C9orf50: variants seen among roughly 807,000 people sequenced by gnomAD.
C9orf50 encodes chromosome 9 open reading frame 50, also known as uncharacterized protein C9orf50.
Under a neutral mutation model 42.5 loss-of-function variants are expected in C9orf50, and 33 were observed. The observed-to-expected ratio is 0.78, with a 90% CI of 0.59 to 1.04. The LOEUF (loss-of-function observed/expected upper bound fraction) is 1.04, where lower values mean the gene tolerates loss of function less well. Ranked by LOEUF, C9orf50 falls within the 50% of genes least tolerant of loss-of-function variation. The pLI, the probability that C9orf50 is intolerant of heterozygous loss-of-function variation, is 0.00. For missense variants in C9orf50, 547 were observed against 594.3 expected, an observed-to-expected ratio of 0.92 and a Z score of 0.83; for synonymous variants, 257 against 273.4, an observed-to-expected ratio of 0.94 and a Z score of 0.59.
In C9orf50 at chr9:129,620,710, G is replaced by A. The variant is rs578202793; in HGVS notation, c.-136C>T. The A allele has an allele frequency of 7.8e-6, 6 of 772,906 alleles. No individual in the cohort carries two copies. Among genetic ancestry groups the A allele is most frequent in the Admixed American group, 4.3e-5 (1 of 23,088 alleles). 47.9% of individuals were successfully genotyped at this position (772,906 alleles called of 1,614,324 possible). ...AGCGCGGTGCGGGGTGAACGCCACC[G>A]GCCCGGCGGACAGCGAGTGGCTTCA... On this transcript the variant is annotated 5_prime_UTR_variant, in exon 1 of 7. Coordinates refer to ENST00000372478, the Ensembl canonical transcript of C9orf50. The surrounding 1 kb of genome is among the most constrained non-coding windows in gnomAD (Gnocchi z 5.8).
intron 3 of C9orf50, among the ~76,000 whole-genome samples, chr9:129,617,420 C>G (rs942999929): frequency 3.3e-5 from 5 of 152,222 alleles, no homozygotes; most frequent in African/African-American, 7.2e-5. Flanking sequence ...ATCTCAGCAT[C>G]TTCACTCGAG....
rs1278477762 is a variant in C9orf50, at chr9:129,620,255, G to A, written c.320C>T (p.Ser107Leu). 11 of 1,335,050 alleles carry A rather than the reference G, an allele frequency of 8.2e-6. No individual in the cohort carries two copies. The highest frequency in any genetic ancestry group is 3.1e-5 in the African/African-American group (2 of 65,224). 82.7% of individuals were successfully genotyped at this position (1,335,050 alleles called of 1,614,324 possible). The change falls in exon 1 of 7, where the codon TCG becomes TTG. Residue 107 changes from serine to leucine, a missense_variant. Transcript: ENST00000372478. This position sits in a 1 kb window ranked among gnomAD's most constrained non-coding sequence, Gnocchi z 5.8. ...CGCCGATTCCCGGGACGCGCCGGCC[G>A]ACAGCAGGGGAGGCGGCAGCAGGGA...
upstream of C9orf50, among the ~76,000 whole-genome samples, chr9:129,621,736 CTG>C (rs1468336201): frequency 6.6e-6 from 1 of 152,118 alleles, no homozygotes; most frequent in East Asian, 1.9e-4. Flanking sequence ...AGCTCTGACA[CTG>C]AGGGGTTTCT....
In C9orf50 at chr9:129,620,502, G is replaced by A; in HGVS notation, c.73C>T (p.Arg25Ter). ...GGCAGCCGCGGGTCGCTGCTGCGTC[G>A]GAAGTCTCCGTCGCCAGGGAGCCCC... is the stretch of plus-strand genomic sequence containing the variant. The change falls in exon 1 of 7, where the codon CGA (arginine) becomes TGA (stop). Residue 25 changes from arginine (R) to a stop codon, truncating the protein, a stop_gained. Coordinates refer to ENST00000372478, the Ensembl canonical transcript of C9orf50. LOFTEE classifies it high-confidence loss of function. The surrounding 1 kb of genome is among the most constrained non-coding windows in gnomAD (Gnocchi z 5.8). 2 of 1,426,572 alleles carry A rather than the reference G, an allele frequency of 1.4e-6. No homozygotes were observed. Among genetic ancestry groups the A allele is most frequent in the South Asian group, 1.4e-5 (1 of 69,046 alleles). The allele number at this position is 1,426,572 out of a possible 1,614,324, so 88.4% of individuals were successfully genotyped here.
chr9:129,620,167 G>T lies in C9orf50; in HGVS notation c.408C>A (p.Pro136=). 6.8e-7 allele frequency: 1 copy of T among 1,462,416 alleles called. No individual in the cohort carries two copies. The highest frequency in any genetic ancestry group is 1.4e-5 in the South Asian group (1 of 71,248). The allele number at this position is 1,462,416 out of a possible 1,614,324, so 90.6% of individuals were successfully genotyped here. A position where few individuals can be genotyped will look rare whatever the true frequency, so the allele number is the denominator to read the frequency against. The change falls in exon 1 of 7, where the codon CCC becomes CCA. Residue 136 remains proline, a synonymous_variant. Transcript: ENST00000372478. This position sits in a 1 kb window ranked among gnomAD's most constrained non-coding sequence, Gnocchi z 5.8. ...CTCCTAGGAAGGCGCCCAAGAAGTC[G>T]GGGTCCTCCCTGGCCACGCGCCTCC...
In C9orf50 at chr9:129,620,538, G is replaced by T; in HGVS notation, c.37C>A (p.Leu13Met). 1 of 1,428,784 alleles carries T rather than the reference G, an allele frequency of 7.0e-7. No individual in the cohort carries two copies. 88.5% of individuals were successfully genotyped at this position (1,428,784 alleles called of 1,614,324 possible). Reference sequence around the variant, plus strand: ...TCGCCAGGGAGCCCCTTGGGCGCCAGGTCCTGGGCCCCTGGGCGAAGTCGA... The same window carrying T: ...TCGCCAGGGAGCCCCTTGGGCGCCATGTCCTGGGCCCCTGGGCGAAGTCGA... Residue 13 changes from leucine (L) to methionine (M), a missense_variant, in exon 1 of 7, where the codon CTG becomes ATG. By Grantham distance (15) the Leu-to-Met change is conservative. This residue lies in a region of C9orf50 where 105 missense variants were observed against 98.5 expected (regional missense o/e 1.07). Coordinates refer to ENST00000372478, the Ensembl canonical transcript of C9orf50. This position sits in a 1 kb window ranked among gnomAD's most constrained non-coding sequence, Gnocchi z 5.8.
At position 129,620,097 on chromosome 9, in the gene C9orf50, C is replaced by T. The variant is rs1422260294; in HGVS notation, c.478G>A (p.Glu160Lys). 11 of 1,452,082 alleles carry T rather than the reference C, an allele frequency of 7.6e-6. No individual in the cohort carries two copies. The East Asian group carries it at 2.3e-4, about 30-fold the overall frequency. 89.9% of individuals were successfully genotyped at this position (1,452,082 alleles called of 1,614,324 possible). The stretch of plus-strand genomic sequence containing the variant: ...GGCTCCGGCTCCTCGGCGCACTTCT[C>T]CTGGAGCTGGTGCAGGAACTCACGG... Residue 160 changes from glutamate (E) to lysine (K), a missense_variant, in exon 1 of 7, where the codon GAG becomes AAG. Coordinates refer to ENST00000372478, the Ensembl canonical transcript of C9orf50. This position sits in a 1 kb window ranked among gnomAD's most constrained non-coding sequence, Gnocchi z 5.8.
Position 129,613,579 on chromosome 9 carries a change from A to T in C9orf50, c.899T>A (p.Val300Glu). ...CACTGGCAGGGCGGCCTTCTGGTTC[A>T]CAATGACGCTCTGTTGGACTGCAGG... is the stretch of plus-strand genomic sequence containing the variant. The change falls in exon 5 of 7, where the codon GTG becomes GAG. Residue 300 changes from valine (V) to glutamate (E), a missense_variant. Around this residue, in one of 3 missense-constraint regions of C9orf50, gnomAD observed 334 missense variants for 323.7 expected, o/e 1.03. Transcript: ENST00000372478. This position sits in a 1 kb window ranked among gnomAD's most constrained non-coding sequence, Gnocchi z 6.2. 6.2e-7 allele frequency: 1 copy of T among 1,614,154 alleles called. No individual in the cohort carries two copies. The highest frequency in any genetic ancestry group is 1.1e-5 in the South Asian group (1 of 91,080).
chr9:129,612,262 G>A, exon 7 of C9orf50: 1 of 1,178,266 alleles, frequency 8.5e-7, no homozygotes, highest in Non-Finnish European at 1.2e-6. Context: ...CCAGCCACCT[G>A]GGATGTGCCT....
intron 3 of C9orf50, among the ~76,000 whole-genome samples, chr9:129,617,981 G>A (rs1340290633): frequency 6.6e-6 from 1 of 152,226 alleles, no homozygotes; most frequent in East Asian, 1.9e-4. Flanking sequence ...ACCATGCTTG[G>A]CCATGTGTTC....
chr9:129,619,230 G>T (rs1830549144), intron 3 of C9orf50, among the ~76,000 whole-genome samples: 1 of 152,170 alleles, frequency 6.6e-6, no homozygotes, highest in Non-Finnish European at 1.5e-5. Flanking sequence ...GGATGAGATG[G>T]ATGCAAAGAT....
intron 3 of C9orf50, among the ~76,000 whole-genome samples, chr9:129,618,942 C>T (rs1382759521): frequency 6.7e-6 from 1 of 150,252 alleles, no homozygotes; most frequent in Non-Finnish European, 1.5e-5. Flanking sequence ...TCTCAATCTC[C>T]TAACCTCGTG....
chr9:129,613,458 G>A lies in C9orf50; in HGVS notation c.1020C>T (p.Ser340=), dbSNP rs1258119013. 4 of 1,614,036 alleles carry A rather than the reference G, an allele frequency of 2.5e-6. No individual in the cohort carries two copies. Among genetic ancestry groups the A allele is most frequent in the Middle Eastern group, 1.7e-4 (1 of 6,060 alleles). ...ACAGGCCAGCGCAGTCCCAACACGA[G>A]GAGCTGGCCAGGGTCTCCTCCTTGG... The change falls in exon 5 of 7, where the codon TCC becomes TCT. Residue 340 remains serine (S), a synonymous_variant. Transcript: ENST00000372478. This position sits in a 1 kb window ranked among gnomAD's most constrained non-coding sequence, Gnocchi z 6.2.
chr9:129,619,382 C>T (rs952645966), intron 3 of C9orf50, 138 bp downstream of exon 3: 6 of 687,408 alleles, frequency 8.7e-6, no homozygotes, highest in South Asian at 1.8e-5. Context: ...ATCTGATTCA[C>T]GGACAGCCAT....
At chr9:129,612,394 A>G in exon 7 of C9orf50, 2 of 1,613,152 alleles carry the variant, frequency 1.2e-6, no homozygotes, top group Non-Finnish European at 1.7e-6. Flanking sequence ...AGGAGATGGT[A>G]CCCCTTAGGG....
chr9:129,615,551 G>C (rs1329263599), exon 4 of C9orf50: 9 of 1,610,760 alleles, frequency 5.6e-6, no homozygotes, highest in Non-Finnish European at 7.6e-6. Context: ...ATCGCACCCG[G>C]AAAGGGCAAC....
At chr9:129,615,492 C>G (rs768796730) in exon 4 of C9orf50, 6 of 1,596,786 alleles carry the variant, frequency 3.8e-6, no homozygotes, top group South Asian at 1.1e-5. Flanking sequence ...ACCTGAGCGT[C>G]TGCGCTCCCA....
At chr9:129,615,427 C>T in intron 4 of C9orf50, 57 bp downstream of exon 4, 1 of 1,492,712 alleles carries the variant, frequency 6.7e-7, no homozygotes, top group Non-Finnish European at 8.9e-7. Context: ...TACAGCCTCT[C>T]TGCCCTCCTG....
chr9:129,617,269 G>A (rs559425215), intron 3 of C9orf50, among the ~76,000 whole-genome samples: 2 of 152,346 alleles, frequency 1.3e-5, no homozygotes, highest in African/African-American at 4.8e-5. Flanking sequence ...AAAGAGCCAA[G>A]CAGTTGGGAG....
Sources: allele counts gnomAD v4.1 joint callset (sites outside exome capture counted in the v4.1 genomes callset), GRCh38; gene constraint gnomAD v4.1.1; regional missense constraint gnomAD v4.1.1; non-coding constraint Gnocchi (gnomAD v3.1); transcripts MANE v1.5; gene names NCBI Gene and HGNC (gene_info 2026-07-23, HGNC 2026-07-21).